Variants in SNRPB observed in about 807,000 individuals in gnomAD.
SNRPB encodes the protein small nuclear ribonucleoprotein-associated proteins B and B'.
SNRPB carries 5 observed loss-of-function variants against 26.6 expected under a neutral mutation model. The ratio of observed to expected loss-of-function variants is 0.19; its 90% CI spans 0.10 to 0.39. SNRPB has a LOEUF of 0.39. SNRPB is among the 10% of genes least tolerant of loss of function. SNRPB has a pLI of 1.00. For missense variants in SNRPB, 211 were observed against 311.9 expected, an observed-to-expected ratio of 0.68 and a Z score of 2.44; for synonymous variants, 122 against 105.8, an observed-to-expected ratio of 1.15 and a Z score of -0.94.
At chr20:2,466,473 G>A (rs2085074375) in intron 2 of SNRPB, among the ~76,000 whole-genome samples, 1 of 151,884 alleles carries the variant, frequency 6.6e-6, no homozygotes, top group African/African-American at 2.4e-5. Context: ...AGGAAAGTGG[G>A]GAAAAAAGCT....
intron 6 of SNRPB, 109 bp downstream of exon 6, chr20:2,462,527 T>C (rs2085042202): frequency 9.9e-7 from 1 of 1,005,442 alleles, no homozygotes; most frequent in Non-Finnish European, 1.6e-6. Context: ...TTTCCCTAGA[T>C]TTAAGGCTTG....
chr20:2,461,901 A>G lies in SNRPB; in HGVS notation c.*28T>C. 1 of 1,613,900 alleles carries G rather than the reference A, an allele frequency of 6.2e-7. No individual in the cohort carries two copies. The highest frequency in any genetic ancestry group is 1.7e-4 in the Middle Eastern group (1 of 5,902). ...AGGAATCGAGCCCACGCCTCTGCGG[A>G]GCTACTTCCATACTCTGTGGCCAAG... On this transcript the variant is annotated 3_prime_UTR_variant, in exon 7 of 7. Coordinates refer to ENST00000381342, the MANE Select transcript of SNRPB (RefSeq NM_003091.4).
At chr20:2,464,238 A>C (rs1442352801) in intron 3 of SNRPB, among the ~76,000 whole-genome samples, 1 of 152,248 alleles carries the variant, frequency 6.6e-6, no homozygotes, top group Non-Finnish European at 1.5e-5. Flanking sequence ...ATCCATTCCC[A>C]GCTGATTCTA....
rs2085049700 is a variant in SNRPB at position 2,463,432 on chromosome 20, T to A, written c.421-205A>T. On this transcript the variant is annotated intron_variant, in intron 4 of 6. Transcript: ENST00000381342. This position sits in a 1 kb window ranked among gnomAD's most constrained non-coding sequence, Gnocchi z 5.0. ...CCAACTCCCATCTTCTAGACCTGAA[T>A]GTAAGCATGTCCAATCCAAGTGAGA... Among the ~76,000 whole-genome samples the A allele has an allele frequency of 6.6e-6, 1 of 152,262 alleles. No homozygotes were observed. The highest frequency in any genetic ancestry group is 1.5e-5 in the Non-Finnish European group (1 of 68,050).
At chr20:2,469,733 A>G (rs927860717) in intron 1 of SNRPB, among the ~76,000 whole-genome samples, 1 of 152,150 alleles carries the variant, frequency 6.6e-6, no homozygotes, top group African/African-American at 2.4e-5. Flanking sequence ...CTTCAATGAC[A>G]TGCCTCACCA....
chr20:2,470,709 T>G lies in SNRPB; in HGVS notation c.-19A>C, dbSNP rs2085108651. On this transcript the variant is annotated 5_prime_UTR_variant, in exon 1 of 7. Coordinates refer to ENST00000381342, the MANE Select transcript of SNRPB (RefSeq NM_003091.4). ...TTACCATGGTGGCGGTTCTGATGGCTCTGATACCCGCCGGATTCGCCTCCT... is the reference window on the plus strand; with the variant it reads ...TTACCATGGTGGCGGTTCTGATGGCGCTGATACCCGCCGGATTCGCCTCCT... 6.2e-7 allele frequency: 1 copy of G among 1,613,200 alleles called. No individual in the cohort carries two copies.
intron 1 of SNRPB, among the ~76,000 whole-genome samples, chr20:2,470,446 G>A (rs1357124103): frequency 6.6e-6 from 1 of 152,190 alleles, no homozygotes; most frequent in Non-Finnish European, 1.5e-5. Flanking sequence ...CGAGAGCCGC[G>A]GTTCTACCCT....
rs746414389 is a variant in SNRPB at position 2,467,596 on chromosome 20, C to T, written c.155+11G>A. The stretch of plus-strand genomic sequence containing the variant: ...TCCTCCAGTCTCCGCCCCCCACAGT[C>T]CACTCCTCACTTGATCTTTCTGAAC... On this transcript the variant is annotated intron_variant, in intron 2 of 6. Coordinates refer to ENST00000381342, the MANE Select transcript of SNRPB (RefSeq NM_003091.4). 6.2e-7 allele frequency: 1 copy of T among 1,613,176 alleles called. No individual in the cohort carries two copies. Among genetic ancestry groups the T allele is most frequent in the East Asian group, 2.2e-5 (1 of 44,872 alleles).
chr20:2,463,239 TAAG>T lies in SNRPB; in HGVS notation c.421-15_421-13del, dbSNP rs761749996. ...TGTGGGGTCATCACCTAAGAGGACA[TAAG>T]AAGAAAGAGTTAGAAGAGTACAGTA... On this transcript the variant is annotated splice_polypyrimidine_tract_variant and intron_variant, in intron 4 of 6. Coordinates refer to ENST00000381342, the MANE Select transcript of SNRPB (RefSeq NM_003091.4). The surrounding 1 kb of genome is among the most constrained non-coding windows in gnomAD (Gnocchi z 5.0). The T allele has an allele frequency of 1.7e-4, 273 of 1,605,892 alleles. 1 individual carries two copies. The South Asian group carries it at 2.7e-3, about 16-fold the overall frequency.
rs759220904 is a variant in SNRPB at position 2,463,118 on chromosome 20, G to A, written c.530C>T (p.Pro177Leu). The A allele has an allele frequency of 1.9e-6, 3 of 1,600,798 alleles. No individual in the cohort carries two copies. The highest frequency in any genetic ancestry group is 2.2e-5 in the East Asian group (1 of 44,744). ...AGGGGGTGCTCCTCGGCCCATAGGT[G>A]GGGGAGGACCCCCACGGCCAGGTGG... ...QYPPGRGGPP[P>L]PMGRGAPPPG... The change falls in exon 5 of 7, where the codon CCA (proline) becomes CTA (leucine). Residue 177 changes from proline to leucine, a missense_variant. Physicochemically the swap from Pro to Leu is moderately conservative, Grantham distance 98. Coordinates refer to ENST00000381342, the MANE Select transcript of SNRPB (RefSeq NM_003091.4). This position sits in a 1 kb window ranked among gnomAD's most constrained non-coding sequence, Gnocchi z 5.0.
At chr20:2,469,509 T>C (rs1160258900) in intron 1 of SNRPB, among the ~76,000 whole-genome samples, 1 of 152,042 alleles carries the variant, frequency 6.6e-6, no homozygotes, top group African/African-American at 2.4e-5. Context: ...CTGGCCAACA[T>C]GGTGAAACCC....
intron 6 of SNRPB, 70 bp from the exon 7 acceptor site, chr20:2,462,009 C>T: frequency 3.6e-6 from 4 of 1,108,846 alleles, no homozygotes; most frequent in Non-Finnish European, 5.5e-6. Flanking sequence ...GCCCCAGCCT[C>T]CCACGCCCTG....
chr20:2,467,908 A>C, intron 1 of SNRPB, 150 bp from the exon 2 acceptor site: 1 of 690,856 alleles, frequency 1.4e-6, no homozygotes, highest in South Asian at 1.8e-5. Context: ...GCCTTTTCCT[A>C]GGAATTCTCC....
rs1311655002 is a variant in SNRPB at position 2,463,540 on chromosome 20, C to T, written c.420+207G>A. Among the ~76,000 whole-genome samples the T allele has an allele frequency of 1.3e-5, 2 of 152,210 alleles. No individual in the cohort carries two copies. Among genetic ancestry groups the T allele is most frequent in the Non-Finnish European group, 2.9e-5 (2 of 68,034 alleles). Reference sequence around the variant, plus strand: ...TTTCCTTAAATACAGTTGGCTAATTCGTACATCTCTTTAATAGCATCAACA... The same window carrying T: ...TTTCCTTAAATACAGTTGGCTAATTTGTACATCTCTTTAATAGCATCAACA... On this transcript the variant is annotated intron_variant, in intron 4 of 6. Coordinates refer to ENST00000381342, the MANE Select transcript of SNRPB (RefSeq NM_003091.4). The surrounding 1 kb of genome is among the most constrained non-coding windows in gnomAD (Gnocchi z 5.0).
Position 2,461,917 on chromosome 20 carries a change from T to C in SNRPB, c.*12A>G, listed in dbSNP as rs372066476. The C allele has an allele frequency of 9.4e-5, 152 of 1,613,156 alleles. No homozygotes were observed. The highest frequency in any genetic ancestry group is 1.2e-4 in the Non-Finnish European group (147 of 1,179,748). Reference sequence around the variant, plus strand: ...CCTCTGCGGAGCTACTTCCATACTCTGTGGCCAAGGGTCAAAGAAGGCCTG... The same window carrying C: ...CCTCTGCGGAGCTACTTCCATACTCCGTGGCCAAGGGTCAAAGAAGGCCTG... On this transcript the variant is annotated 3_prime_UTR_variant, in exon 7 of 7. Transcript: ENST00000381342.
intron 3 of SNRPB, among the ~76,000 whole-genome samples, chr20:2,464,905 T>C (rs1464703210): frequency 6.7e-6 from 1 of 148,638 alleles, no homozygotes; most frequent in African/African-American, 2.5e-5. Flanking sequence ...ACCCTTCAAA[T>C]GAAAAAGGGA....
chr20:2,463,045 G>C lies in SNRPB; in HGVS notation c.559+44C>G. On this transcript the variant is annotated intron_variant, in intron 5 of 6. Transcript: ENST00000381342. This position sits in a 1 kb window ranked among gnomAD's most constrained non-coding sequence, Gnocchi z 5.0. Reference sequence around the variant, plus strand: ...ATATCTCATCATTAATCCAGCTAAGGCATCTTCTATCAATTAGCACTGGTC... The same window carrying C: ...ATATCTCATCATTAATCCAGCTAAGCCATCTTCTATCAATTAGCACTGGTC... 6.8e-7 allele frequency: 1 copy of C among 1,479,170 alleles called. No individual in the cohort carries two copies. The highest frequency in any genetic ancestry group is 9.1e-7 in the Non-Finnish European group (1 of 1,099,824). The allele number at this position is 1,479,170 out of a possible 1,614,324, so 91.6% of individuals were successfully genotyped here.
In SNRPB at chr20:2,463,196, G is replaced by A; in HGVS notation, c.452C>T (p.Ala151Val). 2 of 1,612,898 alleles carry A rather than the reference G, an allele frequency of 1.2e-6. No individual in the cohort carries two copies. ...VMTPQGRGTV[A>V]AAAAAATASI... is the part of the protein sequence containing the mutation. Reference sequence around the variant, plus strand: ...GGCTGTGGCAGCAGCTGCAGCGGCTGCAACAGTACCTCTTCCTTGTGGGGT... The same window carrying A: ...GGCTGTGGCAGCAGCTGCAGCGGCTACAACAGTACCTCTTCCTTGTGGGGT... Residue 151 changes from alanine to valine, a missense_variant, in exon 5 of 7, where the codon GCA becomes GTA. Physicochemically the swap from Ala to Val is moderately conservative, Grantham distance 64. Transcript: ENST00000381342. The surrounding 1 kb of genome is among the most constrained non-coding windows in gnomAD (Gnocchi z 5.0).
In SNRPB at chr20:2,465,695, T is replaced by G. The variant is rs2122490104; in HGVS notation, c.267+13A>C. ...GCCTCCCCTCCTCCACAAGGCTTCCTGCTCTGACTTACATCTTTGGGAGGA... is the reference window on the plus strand; with the variant it reads ...GCCTCCCCTCCTCCACAAGGCTTCCGGCTCTGACTTACATCTTTGGGAGGA... On this transcript the variant is annotated intron_variant, in intron 3 of 6. Coordinates refer to ENST00000381342, the MANE Select transcript of SNRPB (RefSeq NM_003091.4). 1.9e-6 allele frequency: 3 copies of G among 1,577,612 alleles called. No homozygotes were observed. The South Asian group carries it at 3.3e-5, about 17-fold the overall frequency.
Sources: gnomAD v4.1 joint callset for allele counts (sites outside exome capture counted in the v4.1 genomes callset) on GRCh38, gnomAD v4.1.1 for gene constraint, Gnocchi (gnomAD v3.1) non-coding constraint, MANE v1.5 for transcripts, NCBI Gene and HGNC (gene_info 2026-07-23, HGNC 2026-07-21) for gene names.